Variants in ACSBG1 observed in about 807,000 individuals in gnomAD.
ACSBG1 encodes the protein acyl-CoA synthetase bubblegum family member 1.
In ACSBG1, 39 loss-of-function variants were observed where a neutral mutation model predicts 80.2. That is an observed-to-expected ratio of 0.49 (90% confidence interval 0.38 to 0.64). The LOEUF (loss-of-function observed/expected upper bound fraction) is 0.64. ACSBG1 is among the 30% of genes least tolerant of loss of function. The pLI, the probability that ACSBG1 is intolerant of heterozygous loss-of-function variation, is 0.00. For missense variants in ACSBG1, 828 were observed against 966.4 expected (o/e 0.86, Z 1.90); for synonymous variants, 392 against 379.5 (o/e 1.03, Z -0.38).
At chr15:78,227,889 C>T (rs1192159623) in intron 1 of ACSBG1, among the ~76,000 whole-genome samples, 1 of 152,160 alleles carries the variant, frequency 6.6e-6, no homozygotes, top group African/African-American at 2.4e-5. Context: ...AGACAAGTAA[C>T]ATTCTGTGTG....
chr15:78,231,534 T>C (rs2075447391), intron 1 of ACSBG1, among the ~76,000 whole-genome samples: 1 of 152,040 alleles, frequency 6.6e-6, no homozygotes, highest in Admixed American at 6.6e-5. Flanking sequence ...AATCCACCCA[T>C]TTTGTCCTAC....
intron 1 of ACSBG1, among the ~76,000 whole-genome samples, chr15:78,220,091 A>G (rs1031974823): frequency 6.6e-6 from 1 of 152,228 alleles, no homozygotes; most frequent in South Asian, 2.1e-4. Flanking sequence ...CAAAACATTG[A>G]AAACCTACAG....
intron 1 of ACSBG1, among the ~76,000 whole-genome samples, chr15:78,219,907 C>G (rs2075346838): frequency 6.6e-6 from 1 of 152,186 alleles, no homozygotes; most frequent in Non-Finnish European, 1.5e-5. Flanking sequence ...TGGCATGAAC[C>G]TGGAGGCGGA....
chr15:78,203,831 T>C (rs1179329345), intron 2 of ACSBG1, among the ~76,000 whole-genome samples: 2 of 152,022 alleles, frequency 1.3e-5, no homozygotes, highest in Non-Finnish European at 2.9e-5. Context: ...CTAGGACAGA[T>C]CTCTCTCCGA....
At chr15:78,180,448 A>T (rs1215194167) in intron 9 of ACSBG1, among the ~76,000 whole-genome samples, 1 of 152,184 alleles carries the variant, frequency 6.6e-6, no homozygotes. Context: ...TTCTCCAGCC[A>T]CTTACTGAGG....
At chr15:78,217,544 A>G (rs1595901760) in intron 1 of ACSBG1, among the ~76,000 whole-genome samples, 1 of 151,424 alleles carries the variant, frequency 6.6e-6, no homozygotes, top group Non-Finnish European at 1.5e-5. Context: ...TCCACCATTC[A>G]TCATCAGACC....
intron 1 of ACSBG1, among the ~76,000 whole-genome samples, chr15:78,215,843 C>G (rs2075308428): frequency 6.6e-6 from 1 of 151,954 alleles, no homozygotes; most frequent in Admixed American, 6.5e-5. Flanking sequence ...GTTATAATGC[C>G]AGCACATGGC....
rs753942750 is a variant in ACSBG1, at chr15:78,168,924, C to G, written c.*2520G>C. ...TTTTTGCTTTTTCCTTTTCTCAGAGCTTGACAAAAGATTTGGGAGGCAATG... is the reference window on the plus strand; with the variant it reads ...TTTTTGCTTTTTCCTTTTCTCAGAGGTTGACAAAAGATTTGGGAGGCAATG... On this transcript the variant is annotated 3_prime_UTR_variant, in exon 14 of 14. Coordinates refer to ENST00000258873, the MANE Select transcript of ACSBG1 (RefSeq NM_015162.5). 1 of 1,588,002 alleles carries G rather than the reference C, an allele frequency of 6.3e-7. No individual in the cohort carries two copies. Among genetic ancestry groups the G allele is most frequent in the South Asian group, 1.1e-5 (1 of 89,122 alleles).
At chr15:78,180,731 C>T (rs1053215613) in intron 9 of ACSBG1, 24 bp downstream of exon 9, 10 of 1,607,782 alleles carry the variant, frequency 6.2e-6, no homozygotes, top group Non-Finnish European at 8.5e-6. Flanking sequence ...CTCCCCAGGC[C>T]TCCCGCCCGT....
chr15:78,214,684 G>C (rs2075293703), intron 1 of ACSBG1, among the ~76,000 whole-genome samples: 1 of 152,064 alleles, frequency 6.6e-6, no homozygotes, highest in Admixed American at 6.6e-5. Context: ...CAAGAAATCT[G>C]CCTGCCTCAG....
At chr15:78,230,818 CTTCT>C (rs147277076) in intron 1 of ACSBG1, among the ~76,000 whole-genome samples, 3,183 of 152,288 alleles carry the variant, frequency 0.021, 114 homozygotes, top group East Asian at 0.13. Context: ...GTCCAATAAA[CTTCT>C]TTCTTTTGTA....
At chr15:78,176,877 G>A (rs956324321) in intron 11 of ACSBG1, among the ~76,000 whole-genome samples, 7 of 152,024 alleles carry the variant, frequency 4.6e-5, no homozygotes, top group Non-Finnish European at 7.4e-5. Flanking sequence ...GCAGTGATCC[G>A]AGATCACGCC....
intron 2 of ACSBG1, among the ~76,000 whole-genome samples, chr15:78,200,231 C>T (rs1391918711): frequency 6.6e-6 from 1 of 152,134 alleles, no homozygotes; most frequent in Non-Finnish European, 1.5e-5. Context: ...AAGGAAGGTT[C>T]ATAGGTCTGC....
At chr15:78,215,724 G>GAAAGAA (rs942679171) in intron 1 of ACSBG1, among the ~76,000 whole-genome samples, 1 of 116,554 alleles carries the variant, frequency 8.6e-6, no homozygotes, top group Non-Finnish European at 1.8e-5. Context: ...AAGAAAGAAA[G>GAAAGAA]AGAAAGAAAG....
At position 78,180,955 on chromosome 15, in the gene ACSBG1, G is replaced by A; in HGVS notation, c.1072-19C>T. ...GGCTCCCCTGTTCACACCAGAAGAG[G>A]CAGGCCTGTTGGGTCAGGGGCATCT... is the stretch of plus-strand genomic sequence containing the variant. On this transcript the variant is annotated intron_variant, in intron 8 of 13. Coordinates refer to ENST00000258873, the MANE Select transcript of ACSBG1 (RefSeq NM_015162.5). The A allele has an allele frequency of 6.2e-7, 1 of 1,609,468 alleles. No homozygotes were observed. The highest frequency in any genetic ancestry group is 1.3e-5 in the African/African-American group (1 of 74,986).
At chr15:78,198,213 T>C (rs2075132617) in intron 2 of ACSBG1, among the ~76,000 whole-genome samples, 1 of 151,966 alleles carries the variant, frequency 6.6e-6, no homozygotes, top group African/African-American at 2.4e-5. Context: ...ATTTTTTTTG[T>C]ATTTTTTGGT....
In ACSBG1 at chr15:78,194,727, CTG is replaced by C; in HGVS notation, c.233-3_233-2del. On this transcript the variant is annotated splice_acceptor_variant and splice_polypyrimidine_tract_variant and intron_variant, in intron 2 of 13. Coordinates refer to ENST00000258873, the MANE Select transcript of ACSBG1 (RefSeq NM_015162.5). LOFTEE classifies it high-confidence loss of function. ...GCCCGAGTCGTCCACAGCGCCTCCT[CTG>C]TGGGGTGGGGGAGACCACAGCTTGG... 3.1e-6 allele frequency: 5 copies of C among 1,611,640 alleles called. No homozygotes were observed. Among genetic ancestry groups the C allele is most frequent in the South Asian group, 1.1e-5 (1 of 91,010 alleles).
rs139852452 is a variant in ACSBG1, at chr15:78,171,673, C to T, written c.2090-144G>A. 3.3e-5 allele frequency: 21 copies of T among 639,272 alleles called. No homozygotes were observed. In the African/African-American group the frequency reaches 3.8e-4, roughly 12 times the overall value. 39.6% of individuals were successfully genotyped at this position (639,272 alleles called of 1,614,324 possible). A position where few individuals can be genotyped will look rare whatever the true frequency, so the allele number is the denominator to read the frequency against. On this transcript the variant is annotated intron_variant, in intron 13 of 13. Transcript: ENST00000258873. ...GACCGTCAGTAGCCAGCCTCCAAGACAGTGATCGCTCCTGGTATTCATATG... is the reference window on the plus strand; with the variant it reads ...GACCGTCAGTAGCCAGCCTCCAAGATAGTGATCGCTCCTGGTATTCATATG...
At chr15:78,233,252 T>G (rs1227997442) in intron 1 of ACSBG1, among the ~76,000 whole-genome samples, 2 of 152,180 alleles carry the variant, frequency 1.3e-5, no homozygotes, top group South Asian at 4.1e-4. Context: ...GGAGTCCACT[T>G]TGGATTAGCA....
Sources: gnomAD v4.1 joint callset for allele counts (sites outside exome capture counted in the v4.1 genomes callset) on GRCh38, gnomAD v4.1.1 for gene constraint, MANE v1.5 for transcripts, NCBI Gene and HGNC (gene_info 2026-07-23, HGNC 2026-07-21) for gene names.